Variants in KAT6A observed in about 807,000 individuals in gnomAD.
The protein encoded by KAT6A is histone acetyltransferase KAT6A.
A neutral mutation model predicts 198.4 loss-of-function variants in KAT6A; 9 were observed. That is an observed-to-expected ratio of 0.05 (90% confidence interval 0.03 to 0.08). KAT6A has a LOEUF of 0.08. Among genes scored for constraint, KAT6A ranks in the 10% least tolerant of loss-of-function variants. KAT6A has a pLI of 1.00. For missense variants in KAT6A, 2,077 were observed against 2,509.9 expected (o/e 0.83, Z 3.69); for synonymous variants, 890 against 883.0 (o/e 1.01, Z -0.14).
intron 2 of KAT6A, among the ~76,000 whole-genome samples, chr8:42,031,005 G>GT (rs1827082461): frequency 8.5e-6 from 1 of 117,366 alleles, no homozygotes; most frequent in Admixed American, 1.0e-4. Flanking sequence ...AAAAGAGTAT[G>GT]TTAAGGTATG....
chr8:42,011,443 A>T (rs180977241), intron 2 of KAT6A, among the ~76,000 whole-genome samples: 175 of 152,332 alleles, frequency 1.1e-3, no homozygotes, highest in Middle Eastern at 3.4e-3. Flanking sequence ...CGACAGTTAA[A>T]AATCACTACT....
At chr8:41,979,360 T>C (rs1373161222) in intron 5 of KAT6A, among the ~76,000 whole-genome samples, 3 of 152,208 alleles carry the variant, frequency 2.0e-5, no homozygotes, top group African/African-American at 7.2e-5. Flanking sequence ...GTTTCTTGAC[T>C]GGGCACAGTG....
In KAT6A at chr8:41,930,440, GC is replaced by G. The variant is rs202132528; in HGVS notation, c.*1764del. 819 of 221,758 alleles carry G rather than the reference GC, an allele frequency of 3.7e-3. 18 individuals are homozygous for G. Among genetic ancestry groups the G allele is most frequent in the East Asian group, 0.035 (535 of 15,372 alleles). 13.7% of individuals were successfully genotyped at this position (221,758 alleles called of 1,614,324 possible). On this transcript the variant is annotated 3_prime_UTR_variant, in exon 17 of 17. Coordinates refer to ENST00000265713, the MANE Select transcript of KAT6A (RefSeq NM_006766.5). ...ATGTGGAATTCTGCGTTTCTACCTAGCACGCTTGAGAAAGTCAATTAAAGTG... is the reference window on the plus strand; with the variant it reads ...ATGTGGAATTCTGCGTTTCTACCTAGACGCTTGAGAAAGTCAATTAAAGTG...
At chr8:41,966,760 C>G (rs1564028080) in intron 8 of KAT6A, among the ~76,000 whole-genome samples, 2 of 152,036 alleles carry the variant, frequency 1.3e-5, no homozygotes, top group African/African-American at 4.8e-5. Flanking sequence ...TCCTATGCAC[C>G]TTTACCTGCC....
chr8:42,020,856 C>G (rs1394008660), intron 2 of KAT6A, among the ~76,000 whole-genome samples: 1 of 152,194 alleles, frequency 6.6e-6, no homozygotes, highest in African/African-American at 2.4e-5. Flanking sequence ...TCACTAGTTT[C>G]ATTCCTAATA....
chr8:42,012,395 TG>T (rs1316793361), intron 2 of KAT6A, among the ~76,000 whole-genome samples: 2 of 152,058 alleles, frequency 1.3e-5, no homozygotes, highest in Non-Finnish European at 1.5e-5. Context: ...AATTTTGAGA[TG>T]GGGGGGTTAT....
intron 2 of KAT6A, among the ~76,000 whole-genome samples, chr8:42,036,685 T>C (rs985063829): frequency 1.3e-5 from 2 of 152,008 alleles, no homozygotes; most frequent in African/African-American, 4.8e-5. Context: ...TGAGTGAGAA[T>C]GTGCCATAAG....
intron 9 of KAT6A, among the ~76,000 whole-genome samples, chr8:41,952,596 C>T (rs1822718914): frequency 6.6e-6 from 1 of 152,186 alleles, no homozygotes; most frequent in African/African-American, 2.4e-5. Context: ...TCCCACTTCC[C>T]AAAAGACGTT....
Position 42,049,091 on chromosome 8 carries a change from A to G in KAT6A, c.-114T>C, listed in dbSNP as rs865952833. ...GCTGGGAACCAGTTAACCATAGCAT[A>G]TGAGTTTTCTGGCCTAAGTCCTTCC... On this transcript the variant is annotated 5_prime_UTR_variant, in exon 2 of 17. Coordinates refer to ENST00000265713, the MANE Select transcript of KAT6A (RefSeq NM_006766.5). The G allele has an allele frequency of 1.7e-6, 2 of 1,161,548 alleles. No homozygotes were observed. Among genetic ancestry groups the G allele is most frequent in the Middle Eastern group, 2.8e-4 (1 of 3,598 alleles). 72.0% of individuals were successfully genotyped at this position (1,161,548 alleles called of 1,614,324 possible).
intron 15 of KAT6A, among the ~76,000 whole-genome samples, chr8:41,939,094 G>A (rs1218238405): frequency 2.0e-5 from 3 of 151,908 alleles, no homozygotes; most frequent in African/African-American, 4.8e-5. Context: ...GAAGTATCAC[G>A]TAAATATCTG....
intron 12 of KAT6A, 109 bp downstream of exon 12, chr8:41,946,478 TTAAA>T (rs1159643772): frequency 4.0e-6 from 2 of 505,764 alleles, no homozygotes; most frequent in Non-Finnish European, 6.6e-6. Flanking sequence ...CTACAAATCT[TTAAA>T]TATATATATA....
intron 2 of KAT6A, among the ~76,000 whole-genome samples, chr8:42,000,880 A>G (rs576828235): frequency 2.8e-4 from 42 of 152,340 alleles, no homozygotes; most frequent in Non-Finnish European, 4.9e-4. Context: ...ATGACTAGTA[A>G]AGTGACAAAA....
chr8:41,934,314 TTCC>T lies in KAT6A; in HGVS notation c.3903_3905del (p.Glu1302del). The stretch of plus-strand genomic sequence containing the variant: ...TCTGGGCAGTCTCTGCAGCTGCATC[TTCC>T]TCCTCCTCTGGCTCTGGCTCCTCTA... On this transcript the variant is annotated inframe_deletion, in exon 17 of 17. Coordinates refer to ENST00000265713, the MANE Select transcript of KAT6A (RefSeq NM_006766.5). 1 of 1,614,076 alleles carries T rather than the reference TTCC, an allele frequency of 6.2e-7. No individual in the cohort carries two copies. The highest frequency in any genetic ancestry group is 1.7e-4 in the Middle Eastern group (1 of 6,060).
At chr8:42,037,453 A>G (rs1235622774) in intron 2 of KAT6A, among the ~76,000 whole-genome samples, 1 of 152,212 alleles carries the variant, frequency 6.6e-6, no homozygotes, top group Non-Finnish European at 1.5e-5. Flanking sequence ...AAAACTCAGG[A>G]GTTAAATGCT....
At chr8:42,032,724 G>A (rs1206716778) in intron 2 of KAT6A, among the ~76,000 whole-genome samples, 1 of 152,146 alleles carries the variant, frequency 6.6e-6, no homozygotes, top group Non-Finnish European at 1.5e-5. Context: ...ATGAGAACAG[G>A]AAGTGGGATG....
At chr8:41,938,816 A>G (rs989680599) in intron 15 of KAT6A, among the ~76,000 whole-genome samples, 1 of 151,972 alleles carries the variant, frequency 6.6e-6, no homozygotes, top group Non-Finnish European at 1.5e-5. Flanking sequence ...GCGTGATGGA[A>G]CATGCCTGTA....
intron 2 of KAT6A, among the ~76,000 whole-genome samples, chr8:42,002,631 C>T (rs889170748): frequency 5.9e-5 from 9 of 152,078 alleles, no homozygotes; most frequent in African/African-American, 1.9e-4. Context: ...GACGAGTCCA[C>T]AGCAGGATGG....
chr8:41,974,741 A>G lies in KAT6A; in HGVS notation c.1445T>C (p.Met482Thr), dbSNP rs138707191. Residue 482 changes from methionine (M) to threonine (T), a missense_variant, in exon 8 of 17, where the codon ATG becomes ACG. Physicochemically the swap from Met to Thr is moderately conservative, Grantham distance 81 (BLOSUM62 -1). Coordinates refer to ENST00000265713, the MANE Select transcript of KAT6A (RefSeq NM_006766.5). ...TTCTTGGATATCACGAAATAATTCC[A>G]TATCTTTCTCAGTCATGATTTCCTG... ...GSQEIMTEKDMELFRDIQEQA... is the reference protein window; with the variant it reads ...GSQEIMTEKDTELFRDIQEQA... The G allele has an allele frequency of 5.0e-6, 8 of 1,610,260 alleles. 1 individual carries two copies. The highest frequency in any genetic ancestry group is 3.3e-4 in the Middle Eastern group (2 of 6,048).
intron 3 of KAT6A, among the ~76,000 whole-genome samples, chr8:41,985,737 C>A (rs1419769004): frequency 6.6e-6 from 1 of 152,174 alleles, no homozygotes; most frequent in Non-Finnish European, 1.5e-5. Context: ...CTCCAGCTTG[C>A]TTCTTCAGCC....
Sources: allele counts gnomAD v4.1 joint callset (sites outside exome capture counted in the v4.1 genomes callset), GRCh38; gene constraint gnomAD v4.1.1; transcripts MANE v1.5; gene names NCBI Gene and HGNC (gene_info 2026-07-23, HGNC 2026-07-21).